KANK4: variants seen among roughly 807,000 people sequenced by gnomAD.
The protein encoded by KANK4 is KN motif and ankyrin repeat domains 4.
KANK4 carries 50 observed loss-of-function variants against 80.8 expected under a neutral mutation model. The ratio of observed to expected loss-of-function variants is 0.62; its 90% CI spans 0.49 to 0.78. The LOEUF is 0.78. KANK4 is among the 30% of genes least tolerant of loss of function. KANK4 has a pLI of 0.00. For missense variants in KANK4, 1,196 were observed against 1,240.1 expected, an observed-to-expected ratio of 0.96 and a Z score of 0.53; for synonymous variants, 465 against 506.9, an observed-to-expected ratio of 0.92 and a Z score of 1.11.
rs199777200 is a variant in KANK4 at position 62,278,397 on chromosome 1, CTTTT to C, written c.16+3148_16+3151del. On this transcript the variant is annotated intron_variant, in intron 2 of 9. Transcript: ENST00000371153. ...CCTTCCTTTCTTTCTTTCTTTCTTT[CTTTT>C]TTTTTTTTGAGATGGAATTTCGTTC... Among the ~76,000 whole-genome samples the C allele has an allele frequency of 5.8e-4, 17 of 29,204 alleles. 1 individual carries two copies. Among genetic ancestry groups the C allele is most frequent in the East Asian group, 3.2e-3 (2 of 618 alleles). 19.2% of individuals were successfully genotyped at this position (29,204 alleles called of 152,430 possible).
Position 62,288,294 on chromosome 1 carries a change from T to C in KANK4, c.-70-6660A>G, listed in dbSNP as rs970179287. The stretch of plus-strand genomic sequence containing the variant: ...GGCCCAGGTCCCTTCTGCCCCATGA[T>C]GGAAAAAAAGGTGAACTGTCCAAGT... On this transcript the variant is annotated intron_variant, in intron 1 of 9. Coordinates refer to ENST00000371153, the MANE Select transcript of KANK4 (RefSeq NM_181712.5). 1.2e-4 allele frequency among the ~76,000 whole-genome samples: 19 copies of C among 152,066 alleles called. 1 individual carries two copies.
chr1:62,247,387 G>C (rs975681668), intron 9 of KANK4, 85 bp downstream of exon 9: 3 of 1,200,146 alleles, frequency 2.5e-6, no homozygotes, highest in Admixed American at 1.7e-5. Flanking sequence ...TGATCCTCCC[G>C]CCTCAGCCTC....
intron 2 of KANK4, among the ~76,000 whole-genome samples, chr1:62,280,056 G>A (rs1246467063): frequency 6.6e-6 from 1 of 152,164 alleles, no homozygotes; most frequent in Non-Finnish European, 1.5e-5. Context: ...AAGTAAAGCA[G>A]GTGAGCGAAC....
intron 9 of KANK4, among the ~76,000 whole-genome samples, chr1:62,243,531 G>T (rs1671395531): frequency 6.6e-6 from 1 of 152,000 alleles, no homozygotes; most frequent in South Asian, 2.1e-4. Context: ...TAGAGACAGG[G>T]TTTCAAAATG....
intron 2 of KANK4, among the ~76,000 whole-genome samples, chr1:62,277,169 A>T (rs1672333939): frequency 6.6e-6 from 1 of 152,202 alleles, no homozygotes; most frequent in Non-Finnish European, 1.5e-5. Flanking sequence ...TGAGATAGGG[A>T]GAGTAACAGA....
intron 2 of KANK4, among the ~76,000 whole-genome samples, chr1:62,276,596 T>C (rs1382709819): frequency 6.6e-6 from 1 of 151,958 alleles, no homozygotes; most frequent in Admixed American, 6.6e-5. Flanking sequence ...GCCAACACGG[T>C]GAAACCCCAT....
intron 6 of KANK4, among the ~76,000 whole-genome samples, chr1:62,264,829 TTTGG>T (rs1348359350): frequency 1.5e-4 from 23 of 152,176 alleles, no homozygotes; most frequent in African/African-American, 4.8e-5. Context: ...TGTCCGTTTG[TTTGG>T]TTGGTTGGTT....
intron 9 of KANK4, among the ~76,000 whole-genome samples, chr1:62,243,135 C>T (rs1671383895): frequency 6.6e-6 from 1 of 152,082 alleles, no homozygotes; most frequent in Admixed American, 6.6e-5. Context: ...GATAGATTTC[C>T]TCCTCCATTT....
Position 62,275,091 on chromosome 1 carries a change from G to C in KANK4, c.17-4C>G. On this transcript the variant is annotated splice_region_variant and splice_polypyrimidine_tract_variant and intron_variant, in intron 2 of 9. Transcript: ENST00000371153. ...CCCTGAGAGGACTGGTCTTTGGCTG[G>C]GAGACATAAGACAAGTTAAAAAAAA... The C allele has an allele frequency of 6.3e-7, 1 of 1,583,984 alleles. No homozygotes were observed. Among genetic ancestry groups the C allele is most frequent in the Middle Eastern group, 1.7e-4 (1 of 5,858 alleles).
At chr1:62,283,626 T>C (rs899940397) in intron 1 of KANK4, among the ~76,000 whole-genome samples, 94 of 152,314 alleles carry the variant, frequency 6.2e-4, no homozygotes, top group African/African-American at 2.2e-3. Flanking sequence ...AAAAAGCCTC[T>C]GGGCTTAGAG....
intron 7 of KANK4, among the ~76,000 whole-genome samples, chr1:62,260,765 T>C (rs909589181): frequency 1.3e-5 from 2 of 152,194 alleles, no homozygotes; most frequent in African/African-American, 4.8e-5. Context: ...TGGGCTGTTC[T>C]TCCCCATCAG....
chr1:62,316,894 G>A (rs1557515400), intron 1 of KANK4, among the ~76,000 whole-genome samples: 1 of 152,178 alleles, frequency 6.6e-6, no homozygotes, highest in Non-Finnish European at 1.5e-5. Context: ...GGAGCTTTAG[G>A]AACAAAGAGA....
intron 7 of KANK4, among the ~76,000 whole-genome samples, chr1:62,255,400 T>C (rs901278836): frequency 2.6e-5 from 4 of 152,142 alleles, no homozygotes; most frequent in African/African-American, 4.8e-5. Context: ...GAAAAAATTA[T>C]GTTGCTCTTT....
At chr1:62,276,270 C>T (rs1672312634) in intron 2 of KANK4, among the ~76,000 whole-genome samples, 1 of 152,166 alleles carries the variant, frequency 6.6e-6, no homozygotes, top group Non-Finnish European at 1.5e-5. Context: ...CAATATTCCT[C>T]ATGTGACGCC....
intron 6 of KANK4, 129 bp from the exon 7 acceptor site, chr1:62,263,440 G>A: frequency 1.3e-6 from 1 of 741,336 alleles, no homozygotes; most frequent in Non-Finnish European, 2.3e-6. Context: ...ATTTATTCCT[G>A]AAGGGCTCAG....
At chr1:62,303,571 G>C (rs1270678571) in intron 1 of KANK4, among the ~76,000 whole-genome samples, 1 of 151,962 alleles carries the variant, frequency 6.6e-6, no homozygotes, top group Non-Finnish European at 1.5e-5. Context: ...CAATATCGTA[G>C]CCACCAACTA....
intron 1 of KANK4, among the ~76,000 whole-genome samples, chr1:62,305,913 AG>A (rs1370393953): frequency 6.6e-6 from 1 of 152,148 alleles, no homozygotes; most frequent in Non-Finnish European, 1.5e-5. Context: ...CTGGCAACTA[AG>A]GTTTGGAGGT....
intron 6 of KANK4, among the ~76,000 whole-genome samples, chr1:62,264,821 T>C (rs959958730): frequency 1.3e-5 from 2 of 152,188 alleles, no homozygotes; most frequent in African/African-American, 4.8e-5. Context: ...TTTGTTTTTG[T>C]CCGTTTGTTT....
intron 1 of KANK4, among the ~76,000 whole-genome samples, chr1:62,284,383 C>A (rs1037451495): frequency 3.3e-5 from 5 of 152,218 alleles, no homozygotes; most frequent in Non-Finnish European, 7.3e-5. Flanking sequence ...TTCTTTTGAT[C>A]TCAGCTCACT....
Sources: allele counts gnomAD v4.1 joint callset (sites outside exome capture counted in the v4.1 genomes callset), GRCh38; gene constraint gnomAD v4.1.1; transcripts MANE v1.5; gene names NCBI Gene and HGNC (gene_info 2026-07-23, HGNC 2026-07-21).